The following FAM177A1 variants were observed in gnomAD, a reference collection of about 807,000 sequenced individuals.
FAM177A1 encodes the protein family with sequence similarity 177 member A1.
A neutral mutation model predicts 26.1 loss-of-function variants in FAM177A1; 22 were observed. That is an observed-to-expected ratio of 0.84 (90% CI 0.60 to 1.20). The LOEUF (loss-of-function observed/expected upper bound fraction) is 1.20, where lower values mean the gene tolerates loss of function less well. FAM177A1 is among the 50% of genes most tolerant of loss of function. The pLI, the probability that FAM177A1 is intolerant of heterozygous loss-of-function variation, is 0.00. For missense variants in FAM177A1, 296 were observed against 291.1 expected (o/e 1.02, Z -0.12); for synonymous variants, 95 against 99.3 (o/e 0.96, Z 0.26).
upstream of FAM177A1, chr14:35,046,169 C>G (rs1021139034): frequency 7.7e-6 from 2 of 261,066 alleles, no homozygotes; most frequent in Non-Finnish European, 1.4e-5. Context: ...CGGTGCCAGG[C>G]GGGGATCCAC....
In FAM177A1 at chr14:35,070,212, G is replaced by GT. The variant is rs1566673326; in HGVS notation, c.340-6937dup. Among the ~76,000 whole-genome samples the GT allele has an allele frequency of 2.1e-5, 3 of 143,788 alleles. No homozygotes were observed. The South Asian group carries it at 6.8e-4, about 33-fold the overall frequency. 94.3% of individuals were successfully genotyped at this position (143,788 alleles called of 152,430 possible). A position where few individuals can be genotyped will look rare whatever the true frequency, so the allele number is the denominator to read the frequency against. Reference sequence around the variant, plus strand: ...AACTCACTTCAATTTTACCTTAGATGTACCTTAAGGTACATGTTGGCCAGG... The same window carrying GT: ...AACTCACTTCAATTTTACCTTAGATGTTACCTTAAGGTACATGTTGGCCAGG... On this transcript the variant is annotated intron_variant, in intron 2 of 4. Coordinates refer to ENST00000280987, the MANE Select transcript of FAM177A1 (RefSeq NM_173607.5).
intron 1 of FAM177A1, 173 bp from the exon 2 acceptor site, chr14:35,053,105 C>T: frequency 1.7e-6 from 1 of 596,346 alleles, no homozygotes; most frequent in Non-Finnish European, 2.9e-6. Context: ...CTGCCATAGT[C>T]TTGACACTGT....
intron 3 of FAM177A1, 85 bp downstream of exon 3, chr14:35,077,301 TGAAGGA>T: frequency 8.1e-7 from 1 of 1,241,272 alleles, no homozygotes; most frequent in Non-Finnish European, 1.2e-6. Context: ...GTTTCCAAAC[TGAAGGA>T]GAAACAATAG....
upstream of FAM177A1, chr14:35,046,143 G>A: frequency 4.6e-6 from 1 of 219,246 alleles, no homozygotes; most frequent in Non-Finnish European, 9.0e-6. Context: ...ACACGTACCA[G>A]AAATGACGTC....
chr14:35,068,732 T>A (rs1387972822), intron 2 of FAM177A1, among the ~76,000 whole-genome samples: 1 of 152,204 alleles, frequency 6.6e-6, no homozygotes, highest in Non-Finnish European at 1.5e-5. Context: ...TATAATGGAA[T>A]ACCACAGACT....
intron 1 of FAM177A1, chr14:35,050,254 C>T (rs956716352): frequency 6.6e-6 from 1 of 152,070 alleles, no homozygotes; most frequent in African/African-American, 2.4e-5. Flanking sequence ...AGTTGTCTGC[C>T]CGCCTCAGTC....
chr14:35,046,405 G>C lies in FAM177A1; in HGVS notation c.-59G>C, dbSNP rs2044862770. 1 of 1,427,548 alleles carries C rather than the reference G, an allele frequency of 7.0e-7. No individual in the cohort carries two copies. Among genetic ancestry groups the C allele is most frequent in the Non-Finnish European group, 9.2e-7 (1 of 1,082,604 alleles). The allele number at this position is 1,427,548 out of a possible 1,614,324, so 88.4% of individuals were successfully genotyped here. A position where few individuals can be genotyped will look rare whatever the true frequency, so the allele number is the denominator to read the frequency against. On this transcript the variant is annotated 5_prime_UTR_variant, in exon 1 of 5. Transcript: ENST00000280987. ...GCGCGGCGCGAGGCGGGCGCTGGGCGGGTGAGTCCCACTTCCCGACAGCCT... is the reference window on the plus strand; with the variant it reads ...GCGCGGCGCGAGGCGGGCGCTGGGCCGGTGAGTCCCACTTCCCGACAGCCT...
intron 2 of FAM177A1, among the ~76,000 whole-genome samples, chr14:35,054,286 C>G (rs2045025168): frequency 6.6e-6 from 1 of 152,134 alleles, no homozygotes; most frequent in African/African-American, 2.4e-5. Flanking sequence ...CATTTCTGAA[C>G]TTTGTGTGCC....
chr14:35,062,046 G>C (rs144223899), intron 2 of FAM177A1, among the ~76,000 whole-genome samples: 1 of 152,290 alleles, frequency 6.6e-6, no homozygotes, highest in African/African-American at 2.4e-5. Context: ...GCTGAGGGGA[G>C]GGGGAACCCT....
intron 1 of FAM177A1, chr14:35,050,311 A>G (rs567652369): frequency 1.1e-4 from 17 of 152,288 alleles, no homozygotes; most frequent in African/African-American, 4.1e-4. Context: ...GCCCAGCCAC[A>G]GTGTAAATTT....
At chr14:35,047,555 T>G (rs1035561890) in intron 1 of FAM177A1, among the ~76,000 whole-genome samples, 1 of 152,050 alleles carries the variant, frequency 6.6e-6, no homozygotes, top group Admixed American at 6.6e-5. Context: ...TCAAGACCAG[T>G]CTGGCCAACA....
intron 2 of FAM177A1, among the ~76,000 whole-genome samples, chr14:35,072,688 G>A (rs2045340814): frequency 6.6e-6 from 1 of 152,122 alleles, no homozygotes; most frequent in South Asian, 2.1e-4. Context: ...TCTAATGTCA[G>A]TTTCTTTTCT....
In FAM177A1 at chr14:35,067,001, A is replaced by G. The variant is rs996690189; in HGVS notation, c.340-10149A>G. Among the ~76,000 whole-genome samples the G allele has an allele frequency of 3.1e-4, 47 of 152,176 alleles. 1 individual carries two copies. Among genetic ancestry groups the G allele is most frequent in the African/African-American group, 1.0e-3 (42 of 41,454 alleles). ...GGGACGGGGTTTCTCCATGTTGGTCAGGCTAGTCTCAAACTCCCAACCTCA... is the reference window on the plus strand; with the variant it reads ...GGGACGGGGTTTCTCCATGTTGGTCGGGCTAGTCTCAAACTCCCAACCTCA... On this transcript the variant is annotated intron_variant, in intron 2 of 4. Transcript: ENST00000280987.
chr14:35,068,021 T>G (rs1396222655), intron 2 of FAM177A1, among the ~76,000 whole-genome samples: 1 of 152,230 alleles, frequency 6.6e-6, no homozygotes, highest in Non-Finnish European at 1.5e-5. Flanking sequence ...AGAAGCTTTT[T>G]ATTTTGATGT....
In FAM177A1 at chr14:35,064,920, A is replaced by AT. The variant is rs1285976111; in HGVS notation, c.339+11470dup. Among the ~76,000 whole-genome samples the AT allele has an allele frequency of 4.6e-5, 7 of 152,118 alleles. No homozygotes were observed. The East Asian group carries it at 1.4e-3, about 30-fold the overall frequency. Reference sequence around the variant, plus strand: ...GCCCGCTTCAGCCTCCCAAAGTGCAATCCCAAAGTGTAATCCCAGATTACA... The same window carrying AT: ...GCCCGCTTCAGCCTCCCAAAGTGCAATTCCCAAAGTGTAATCCCAGATTACA... On this transcript the variant is annotated intron_variant, in intron 2 of 4. Coordinates refer to ENST00000280987, the MANE Select transcript of FAM177A1 (RefSeq NM_173607.5).
At chr14:35,065,249 C>G (rs1179728437) in intron 2 of FAM177A1, among the ~76,000 whole-genome samples, 1 of 151,198 alleles carries the variant, frequency 6.6e-6, no homozygotes, top group African/African-American at 2.4e-5. Flanking sequence ...TCTTGGCTCA[C>G]TGCAAGCTCT....
intron 2 of FAM177A1, among the ~76,000 whole-genome samples, chr14:35,069,032 C>A (rs574637325): frequency 6.6e-6 from 1 of 152,124 alleles, no homozygotes; most frequent in Non-Finnish European, 1.5e-5. Flanking sequence ...TTCCAACACA[C>A]GTTTTTTAGG....
intron 2 of FAM177A1, among the ~76,000 whole-genome samples, chr14:35,076,449 G>T (rs1402934940): frequency 6.6e-6 from 1 of 151,972 alleles, no homozygotes; most frequent in Non-Finnish European, 1.5e-5. Flanking sequence ...TTGTGGGGTG[G>T]GGGGAGCGGG....
At chr14:35,066,990 C>T (rs959334712) in intron 2 of FAM177A1, among the ~76,000 whole-genome samples, 4 of 152,064 alleles carry the variant, frequency 2.6e-5, no homozygotes, top group African/African-American at 9.7e-5. Flanking sequence ...CGGGGTTTCT[C>T]CATGTTGGTC....
Sources: gnomAD v4.1 joint callset for allele counts (sites outside exome capture counted in the v4.1 genomes callset) on GRCh38, gnomAD v4.1.1 for gene constraint, MANE v1.5 for transcripts, NCBI Gene and HGNC (gene_info 2026-07-23, HGNC 2026-07-21) for gene names.